Variants in PLEKHM2 observed in about 807,000 individuals in gnomAD.
PLEKHM2 encodes pleckstrin homology and RUN domain containing M2.
A neutral mutation model predicts 116.3 loss-of-function variants in PLEKHM2; 77 were observed. The ratio of observed to expected loss-of-function variants is 0.66; its 90% CI spans 0.55 to 0.80. The LOEUF is 0.80. Among genes scored for constraint, PLEKHM2 ranks in the 30% least tolerant of loss-of-function variants. The probability of loss-of-function intolerance (pLI) is 0.00; values close to 1 mark genes in which losing one functional copy is unlikely to be tolerated. For synonymous variants in PLEKHM2, 562 were observed against 571.0 expected, an observed-to-expected ratio of 0.98 and a Z score of 0.22; for missense variants, 1,183 against 1,354.9, an observed-to-expected ratio of 0.87 and a Z score of 1.99.
At chr1:15,720,607 C>T (rs1160245480) in intron 6 of PLEKHM2, 1 of 357,844 alleles carries the variant, frequency 2.8e-6, no homozygotes, top group Non-Finnish European at 3.9e-6. Flanking sequence ...TGTAGGAGAC[C>T]AGAGCCCTTC....
chr1:15,725,289 G>T (rs2068047799), intron 7 of PLEKHM2, 28 bp from the exon 8 acceptor site: 3 of 1,513,098 alleles, frequency 2.0e-6, no homozygotes. Context: ...TGCCTGACAG[G>T]GTGTCTCCTG....
chr1:15,688,137 A>C (rs1332507839), intron 1 of PLEKHM2, among the ~76,000 whole-genome samples: 1 of 152,188 alleles, frequency 6.6e-6, no homozygotes, highest in Non-Finnish European at 1.5e-5. Flanking sequence ...CCCTCCCAGA[A>C]ACTACACCCT....
chr1:15,727,457 T>G lies in PLEKHM2; in HGVS notation c.1385T>G (p.Met462Arg). The change falls in exon 9 of 20, where the codon ATG becomes AGG. Residue 462 changes from methionine (M) to arginine (R), a missense_variant. Physicochemically the swap from Met to Arg is moderately conservative, Grantham distance 91. Around this residue, in one of 3 missense-constraint regions of PLEKHM2, gnomAD observed 372 missense variants for 357.2 expected, o/e 1.04. Transcript: ENST00000375799. This position sits in a 1 kb window ranked among gnomAD's most constrained non-coding sequence, Gnocchi z 7.5. ...CDFSEGLSAP[M>R]DFYRFTVESP... The stretch of plus-strand genomic sequence containing the variant: ...TTTAGTGAGGGGCTTTCAGCCCCAA[T>G]GGACTTCTACCGCTTTACCGTCGAG... The G allele has an allele frequency of 6.2e-7, 1 of 1,604,828 alleles. No individual in the cohort carries two copies. The highest frequency in any genetic ancestry group is 1.3e-5 in the African/African-American group (1 of 74,818).
chr1:15,707,188 A>G (rs10927834), intron 1 of PLEKHM2, among the ~76,000 whole-genome samples: 24,060 of 151,330 alleles, frequency 0.16, 3,592 homozygotes, highest in African/African-American at 0.4. Context: ...TTGAGAGGCT[A>G]AGGCAGGAGG....
intron 1 of PLEKHM2, among the ~76,000 whole-genome samples, chr1:15,698,108 GCCAC>G (rs1641035606): frequency 2.0e-5 from 3 of 152,224 alleles, no homozygotes; most frequent in Admixed American, 2.0e-4. Context: ...GACCCAGGTT[GCCAC>G]CCAGTCTGGG....
At chr1:15,726,133 G>A (rs573308521) in intron 8 of PLEKHM2, among the ~76,000 whole-genome samples, 5 of 152,226 alleles carry the variant, frequency 3.3e-5, no homozygotes, top group East Asian at 3.8e-4. Flanking sequence ...CTGCCAGGGC[G>A]TTTGCTGGGT....
intron 1 of PLEKHM2, among the ~76,000 whole-genome samples, chr1:15,705,332 C>T (rs1296832609): frequency 6.6e-6 from 1 of 151,806 alleles, no homozygotes; most frequent in Non-Finnish European, 1.5e-5. Context: ...GTGTATCGTG[C>T]CATCATGTCC....
chr1:15,732,130 C>A, intron 17 of PLEKHM2, 82 bp downstream of exon 17: 2 of 1,362,322 alleles, frequency 1.5e-6, no homozygotes, highest in Non-Finnish European at 2.0e-6. Flanking sequence ...AACCCATAGT[C>A]ACAGAGCAAC....
rs779221714 is a variant in PLEKHM2 at position 15,734,019 on chromosome 1, TCG to T, written c.*86_*87del. 99 of 1,456,906 alleles carry T rather than the reference TCG, an allele frequency of 6.8e-5. No homozygotes were observed. The highest frequency in any genetic ancestry group is 9.0e-5 in the Non-Finnish European group (98 of 1,086,038). The allele number at this position is 1,456,906 out of a possible 1,614,324, so 90.2% of individuals were successfully genotyped here. ...CACTGTCACGGCTGTTGTCATGCTG[TCG>T]GGAGCCTACAGTCCACCCCTGCCCT... is the stretch of plus-strand genomic sequence containing the variant. On this transcript the variant is annotated 3_prime_UTR_variant, in exon 20 of 20. Transcript: ENST00000375799.
rs570441692 is a variant in PLEKHM2, at chr1:15,724,481, CA to C, written c.713-821del. ...CTGGCGACAGAGAGAGACTCCGTCT[CA>C]AAAAAAAAAAAAAAGAAAGAAATGG... is the stretch of plus-strand genomic sequence containing the variant. On this transcript the variant is annotated intron_variant, in intron 7 of 19. Transcript: ENST00000375799. Among the ~76,000 whole-genome samples, 1,010 of 118,404 alleles carry C rather than the reference CA, an allele frequency of 8.5e-3. 7 individuals are homozygous for C. The highest frequency in any genetic ancestry group is 0.028 in the East Asian group (117 of 4,252). 77.7% of individuals were successfully genotyped at this position (118,404 alleles called of 152,430 possible).
rs764949831 is a variant in PLEKHM2, at chr1:15,719,770, G to A, written c.502G>A (p.Asp168Asn). 2.9e-5 allele frequency: 47 copies of A among 1,613,010 alleles called. 1 individual carries two copies. The highest frequency in any genetic ancestry group is 4.5e-5 in the East Asian group (2 of 44,866). Residue 168 changes from aspartate (D) to asparagine (N), a missense_variant, in exon 6 of 20, where the codon GAC becomes AAC. Asp to Asn is a conservative substitution (Grantham distance 23). This residue lies in a region of PLEKHM2 where 217 missense variants were observed against 277.6 expected (regional missense o/e 0.78). Coordinates refer to ENST00000375799, the MANE Select transcript of PLEKHM2 (RefSeq NM_015164.4). This position sits in a 1 kb window ranked among gnomAD's most constrained non-coding sequence, Gnocchi z 4.1. ...CCTAGACCTGGCCCCCTACATGCCC[G>A]ACTACTACAAACCTCAGTACCTGCT... ...PYLDLAPYMP[D>N]YYKPQYLLDF...
upstream of PLEKHM2, among the ~76,000 whole-genome samples, chr1:15,683,978 A>G (rs1339824955): frequency 6.9e-6 from 1 of 144,724 alleles, no homozygotes; most frequent in Non-Finnish European, 1.5e-5. Context: ...GGTCTCTGGC[A>G]GGCGGGGTCG....
At chr1:15,694,982 T>C (rs146137422) in intron 1 of PLEKHM2, among the ~76,000 whole-genome samples, 1,551 of 152,286 alleles carry the variant, frequency 0.01, 28 homozygotes, top group African/African-American at 0.034. Flanking sequence ...GGTCTTGAAC[T>C]TCTGACATCA....
Position 15,728,384 on chromosome 1 carries a change from G to C in PLEKHM2, c.1921+27G>C. Reference sequence around the variant, plus strand: ...TGCCCGCCGCCCCCGGGCAGACAGCGGGTTGTAGACGAGGCTGACTCTCAG... The same window carrying C: ...TGCCCGCCGCCCCCGGGCAGACAGCCGGTTGTAGACGAGGCTGACTCTCAG... On this transcript the variant is annotated intron_variant, in intron 11 of 19. Transcript: ENST00000375799. This position sits in a 1 kb window ranked among gnomAD's most constrained non-coding sequence, Gnocchi z 5.9. 1 of 1,592,910 alleles carries C rather than the reference G, an allele frequency of 6.3e-7. No homozygotes were observed. Among genetic ancestry groups the C allele is most frequent in the Non-Finnish European group, 8.6e-7 (1 of 1,164,220 alleles).
chr1:15,720,564 G>A (rs956680753), intron 6 of PLEKHM2: 6 of 790,674 alleles, frequency 7.6e-6, no homozygotes, highest in African/African-American at 5.2e-5. Flanking sequence ...GGTGTTCATG[G>A]ATAAAACTGG....
chr1:15,710,878 A>T (rs1641317611), intron 1 of PLEKHM2, among the ~76,000 whole-genome samples: 1 of 152,342 alleles, frequency 6.6e-6, no homozygotes, highest in South Asian at 2.1e-4. Context: ...ATTAATTAAC[A>T]TTAATAAATA....
intron 16 of PLEKHM2, 145 bp downstream of exon 16, chr1:15,731,402 C>T (rs867890452): frequency 6.1e-5 from 42 of 691,182 alleles, no homozygotes; most frequent in Middle Eastern, 2.5e-4. Context: ...GGGGCTTCCA[C>T]GCTCTGAGGG....
chr1:15,692,951 C>G (rs1011957528), intron 1 of PLEKHM2, among the ~76,000 whole-genome samples: 1 of 151,742 alleles, frequency 6.6e-6, no homozygotes, highest in African/African-American at 2.4e-5. Context: ...GTTGGTCAGG[C>G]TGGTCTTGAA....
At chr1:15,708,118 C>T (rs1557648404) in intron 1 of PLEKHM2, among the ~76,000 whole-genome samples, 1 of 151,856 alleles carries the variant, frequency 6.6e-6, no homozygotes, top group Non-Finnish European at 1.5e-5. Context: ...CTCCTGACCT[C>T]AAGTGATCCA....
Sources: gnomAD v4.1 joint callset for allele counts (sites outside exome capture counted in the v4.1 genomes callset) on GRCh38, gnomAD v4.1.1 for gene constraint, gnomAD v4.1.1 regional missense constraint, Gnocchi (gnomAD v3.1) non-coding constraint, MANE v1.5 for transcripts, NCBI Gene and HGNC (gene_info 2026-07-23, HGNC 2026-07-21) for gene names.